The following NRXN3 variants were observed in gnomAD, a reference collection of about 807,000 sequenced individuals.
NRXN3 encodes the protein neurexin 3.
In NRXN3, 32 loss-of-function variants were observed where a neutral mutation model predicts 137.6. That is an observed-to-expected ratio of 0.23 (90% confidence interval 0.18 to 0.31). The LOEUF (loss-of-function observed/expected upper bound fraction) is 0.31. Ranked by LOEUF, NRXN3 falls within the 10% of genes least tolerant of loss-of-function variation. The pLI is 1.00. For synonymous variants in NRXN3, 798 were observed against 784.5 expected (o/e 1.02, Z -0.29); for missense variants, 1,574 against 2,062.5 (o/e 0.76, Z 4.59).
intron 4 of NRXN3, among the ~76,000 whole-genome samples, chr14:78,598,274 G>C (rs765411387): frequency 3.3e-5 from 5 of 152,166 alleles, no homozygotes; most frequent in Admixed American, 1.3e-4. Flanking sequence ...ACTTGGCTTG[G>C]TGGTGCCGCT....
chr14:78,248,478 A>G (rs956782868), intron 2 of NRXN3, among the ~76,000 whole-genome samples: 2 of 151,648 alleles, frequency 1.3e-5, no homozygotes, highest in Non-Finnish European at 2.9e-5. Flanking sequence ...TCTCAAAGCC[A>G]AGACTAGGAT....
chr14:78,355,851 A>C (rs755260458), intron 4 of NRXN3, among the ~76,000 whole-genome samples: 1 of 152,204 alleles, frequency 6.6e-6, no homozygotes, highest in Non-Finnish European at 1.5e-5. Context: ...GCATTCAGAG[A>C]ATCATATAAC....
intron 20 of NRXN3, among the ~76,000 whole-genome samples, chr14:79,829,848 C>T (rs1274020607): frequency 4.6e-5 from 7 of 152,162 alleles, no homozygotes; most frequent in Admixed American, 4.6e-4. Flanking sequence ...GCCTGCCTAT[C>T]CAAAGCACTG....
chr14:79,065,042 G>A (rs1484513048), intron 15 of NRXN3, among the ~76,000 whole-genome samples: 1 of 151,814 alleles, frequency 6.6e-6, no homozygotes, highest in Non-Finnish European at 1.5e-5. Context: ...TGAGTTTGCT[G>A]TAGATACTTC....
At chr14:78,589,003 A>G (rs1234455524) in intron 4 of NRXN3, among the ~76,000 whole-genome samples, 2 of 152,236 alleles carry the variant, frequency 1.3e-5, no homozygotes, top group African/African-American at 4.8e-5. Flanking sequence ...TAGTATGTGT[A>G]ATGTGGTGTT....
intron 17 of NRXN3, among the ~76,000 whole-genome samples, chr14:79,686,419 G>C (rs1055831036): frequency 6.6e-5 from 10 of 151,988 alleles, no homozygotes; most frequent in African/African-American, 2.4e-4. Flanking sequence ...CTCCTTACTG[G>C]GAGAAAGAAC....
chr14:79,026,950 T>TTATATATATATATATATA (rs764640398), intron 15 of NRXN3, among the ~76,000 whole-genome samples: 1 of 135,178 alleles, frequency 7.4e-6, no homozygotes, highest in African/African-American at 3.0e-5. Context: ...TATTATAATT[T>TTATATATATATATATATA]TATATATATA....
At chr14:79,028,140 T>C (rs115423322) in intron 15 of NRXN3, among the ~76,000 whole-genome samples, 83 of 152,270 alleles carry the variant, frequency 5.5e-4, no homozygotes, top group African/African-American at 1.9e-3. Flanking sequence ...TGTTGAGGTA[T>C]GCTGAAAGTT....
At chr14:79,680,541 G>C (rs928107105) in intron 17 of NRXN3, among the ~76,000 whole-genome samples, 5 of 152,050 alleles carry the variant, frequency 3.3e-5, no homozygotes, top group African/African-American at 4.8e-5. Flanking sequence ...AGGGAATGTG[G>C]TGGAGGAGTG....
chr14:78,524,747 T>A (rs1349362009), intron 4 of NRXN3, among the ~76,000 whole-genome samples: 5 of 149,850 alleles, frequency 3.3e-5, no homozygotes, highest in Non-Finnish European at 7.4e-5. Flanking sequence ...CTCAGCACAA[T>A]TTTTTTTTCT....
chr14:79,578,817 G>C (rs985155496), intron 16 of NRXN3, among the ~76,000 whole-genome samples: 4 of 152,084 alleles, frequency 2.6e-5, no homozygotes, highest in Non-Finnish European at 4.4e-5. Flanking sequence ...GTCAGGGTGG[G>C]TGTGTTTACA....
At chr14:78,415,934 T>C (rs180853185) in intron 4 of NRXN3, among the ~76,000 whole-genome samples, 178 of 151,994 alleles carry the variant, frequency 1.2e-3, no homozygotes, top group Non-Finnish European at 1.9e-3. Context: ...ACATGAGATA[T>C]AAATGTTCAT....
chr14:78,651,142 T>C, intron 5 of NRXN3, 23 bp from the exon 6 acceptor site: 1 of 1,606,334 alleles, frequency 6.2e-7, no homozygotes, highest in Non-Finnish European at 8.5e-7. Flanking sequence ...GGGATTTTTT[T>C]TGTCCCTATG....
intron 3 of NRXN3, among the ~76,000 whole-genome samples, chr14:78,284,529 G>A (rs983508662): frequency 3.3e-5 from 5 of 152,198 alleles, no homozygotes; most frequent in African/African-American, 1.2e-4. Context: ...TGAGACCTCA[G>A]ATTTTCGGGG....
At chr14:79,186,512 T>C (rs942999309) in intron 15 of NRXN3, among the ~76,000 whole-genome samples, 1 of 152,170 alleles carries the variant, frequency 6.6e-6, no homozygotes, top group Non-Finnish European at 1.5e-5. Flanking sequence ...TTTCATGCTT[T>C]CAGTAATTAC....
At chr14:79,493,917 A>G (rs1375469367) in intron 16 of NRXN3, among the ~76,000 whole-genome samples, 1 of 152,198 alleles carries the variant, frequency 6.6e-6, no homozygotes, top group Non-Finnish European at 1.5e-5. Context: ...GTAGCGACCA[A>G]TTTGTTCCAA....
At chr14:78,214,955 C>T (rs903823435) in intron 1 of NRXN3, among the ~76,000 whole-genome samples, 2 of 152,280 alleles carry the variant, frequency 1.3e-5, no homozygotes, top group East Asian at 3.9e-4. Flanking sequence ...TTGAATAAAC[C>T]ATTAACCTGT....
At chr14:78,717,026 A>G (rs1321540264) in intron 8 of NRXN3, among the ~76,000 whole-genome samples, 1 of 152,154 alleles carries the variant, frequency 6.6e-6, no homozygotes, top group African/African-American at 2.4e-5. Flanking sequence ...TAGAAAGGTC[A>G]TTTTTGTCTC....
At chr14:78,479,377 G>C (rs766282780) in intron 4 of NRXN3, among the ~76,000 whole-genome samples, 24 of 152,200 alleles carry the variant, frequency 1.6e-4, no homozygotes, top group Admixed American at 1.1e-3. Flanking sequence ...CATCGGCAGA[G>C]TTTCTGATTC....
Sources: gnomAD v4.1 joint callset for allele counts (sites outside exome capture counted in the v4.1 genomes callset) on GRCh38, gnomAD v4.1.1 for gene constraint, MANE v1.5 for transcripts, NCBI Gene and HGNC (gene_info 2026-07-23, HGNC 2026-07-21) for gene names.